DGKB: variants seen among roughly 807,000 people sequenced by gnomAD.
DGKB encodes the protein 90 kDa diacylglycerol kinase.
In DGKB, 67 loss-of-function variants were observed where a neutral mutation model predicts 114.3. The observed-to-expected ratio is 0.59, with a 90% CI of 0.48 to 0.72. DGKB has a LOEUF of 0.72. Ranked by LOEUF, DGKB falls within the 30% of genes least tolerant of loss-of-function variation. The pLI, the probability that DGKB is intolerant of heterozygous loss-of-function variation, is 0.00. For missense variants in DGKB, 907 were observed against 975.2 expected, an observed-to-expected ratio of 0.93 and a Z score of 0.93; for synonymous variants, 398 against 323.1, an observed-to-expected ratio of 1.23 and a Z score of -2.49.
At chr7:14,793,019 A>C (rs1051045472) in intron 2 of DGKB, among the ~76,000 whole-genome samples, 80 of 152,296 alleles carry the variant, frequency 5.3e-4, no homozygotes, top group African/African-American at 1.7e-3. Flanking sequence ...CAGACAAAAA[A>C]AGTCGTCTGA....
chr7:14,960,455 T>G (rs1251734084), intron 1 of DGKB, among the ~76,000 whole-genome samples: 1 of 152,032 alleles, frequency 6.6e-6, no homozygotes, highest in African/African-American at 2.4e-5. Context: ...TTTTTACTGT[T>G]TTACAAGATG....
At chr7:14,699,018 A>C (rs545080849) in intron 7 of DGKB, among the ~76,000 whole-genome samples, 1 of 152,194 alleles carries the variant, frequency 6.6e-6, no homozygotes, top group South Asian at 2.1e-4. Context: ...CTAATCTAAT[A>C]TATGTAGTCG....
intron 23 of DGKB, among the ~76,000 whole-genome samples, chr7:14,186,520 G>C (rs1783464853): frequency 6.6e-6 from 1 of 152,120 alleles, no homozygotes; most frequent in Non-Finnish European, 1.5e-5. Context: ...TCTACTGGGT[G>C]TCTACACAAA....
chr7:14,253,442 T>G (rs1795531633), intron 23 of DGKB, among the ~76,000 whole-genome samples: 1 of 152,140 alleles, frequency 6.6e-6, no homozygotes, highest in Admixed American at 6.5e-5. Flanking sequence ...CCTCTACATC[T>G]CCAGCTGTCT....
rs551337757 is a variant in DGKB, at chr7:14,822,880, T to C, written c.70+18314A>G. ...TCTGATTATGACAATCTATTTCTAC[T>C]TACCTTGTTCTTTCATCTCAGAAAT... On this transcript the variant is annotated intron_variant, in intron 2 of 25. Transcript: ENST00000402815. Among the ~76,000 whole-genome samples, 545 of 152,252 alleles carry C rather than the reference T, an allele frequency of 3.6e-3. 3 individuals are homozygous for C. The highest frequency in any genetic ancestry group is 0.013 in the African/African-American group (530 of 41,578).
chr7:14,226,972 A>C (rs1790901034), intron 23 of DGKB, among the ~76,000 whole-genome samples: 1 of 152,084 alleles, frequency 6.6e-6, no homozygotes, highest in Non-Finnish European at 1.5e-5. Flanking sequence ...TTCTGGGCTC[A>C]AGCGATCTTC....
chr7:14,233,649 C>T (rs1333300791), intron 23 of DGKB, among the ~76,000 whole-genome samples: 1 of 152,028 alleles, frequency 6.6e-6, no homozygotes, highest in Non-Finnish European at 1.5e-5. Flanking sequence ...TCATTATCAT[C>T]TGAGAATATG....
chr7:14,189,575 G>A (rs1438792176), intron 23 of DGKB, among the ~76,000 whole-genome samples: 1 of 152,040 alleles, frequency 6.6e-6, no homozygotes, highest in African/African-American at 2.4e-5. Context: ...AACCTTGAAT[G>A]TAAATGGATT....
At chr7:14,760,774 C>T (rs772645165) in intron 2 of DGKB, among the ~76,000 whole-genome samples, 1 of 152,012 alleles carries the variant, frequency 6.6e-6, no homozygotes, top group Non-Finnish European at 1.5e-5. Flanking sequence ...GCTTAGATGG[C>T]CTTTTCGTTT....
chr7:14,283,721 C>G (rs1017716643), intron 23 of DGKB, among the ~76,000 whole-genome samples: 62 of 152,254 alleles, frequency 4.1e-4, no homozygotes, highest in African/African-American at 1.4e-3. Context: ...ATATCTACAA[C>G]TATCTGATGT....
At chr7:14,440,869 T>A (rs754622078) in intron 21 of DGKB, among the ~76,000 whole-genome samples, 1 of 152,128 alleles carries the variant, frequency 6.6e-6, no homozygotes, top group Non-Finnish European at 1.5e-5. Context: ...TGCTACCTGA[T>A]TCATGCCAAC....
At chr7:14,508,738 A>C (rs1787505525) in intron 20 of DGKB, among the ~76,000 whole-genome samples, 1 of 152,152 alleles carries the variant, frequency 6.6e-6, no homozygotes, top group Admixed American at 6.5e-5. Flanking sequence ...TTTGAAAATT[A>C]ATTTGTGGTA....
chr7:14,338,835 A>C (rs1811130625), intron 22 of DGKB, 125 bp from the exon 23 acceptor site: 1 of 577,062 alleles, frequency 1.7e-6, no homozygotes, highest in African/African-American at 1.9e-5. Flanking sequence ...TTTCCAAACA[A>C]GCCTTTCAAG....
At chr7:14,771,385 C>T (rs1410541743) in intron 2 of DGKB, among the ~76,000 whole-genome samples, 5 of 151,988 alleles carry the variant, frequency 3.3e-5, no homozygotes, top group East Asian at 3.9e-4. Context: ...CGTTATTGGG[C>T]GGCAAGAATA....
chr7:14,808,482 G>C (rs769291383), intron 2 of DGKB, among the ~76,000 whole-genome samples: 16 of 151,876 alleles, frequency 1.1e-4, no homozygotes, highest in Non-Finnish European at 2.4e-4. Flanking sequence ...AATAAGATAA[G>C]ATTAACTAGA....
chr7:14,852,487 C>CAAAAAAAAAAAAACAACAAAA lies in DGKB; in HGVS notation c.-187-11038_-187-11037insTTTTGTTGTTTTTTTTTTTTT. ...GAGGAATAGCTAAAATAGTGAAAGT[C>CAAAAAAAAAAAAACAACAAAA]AAAAAAAAAACAGAAATCAAGCATA... On this transcript the variant is annotated intron_variant, in intron 1 of 25. Transcript: ENST00000402815. 1.3e-4 allele frequency among the ~76,000 whole-genome samples: 8 copies of CAAAAAAAAAAAAACAACAAAA among 63,618 alleles called. 1 individual carries two copies. Among genetic ancestry groups the CAAAAAAAAAAAAACAACAAAA allele is most frequent in the South Asian group, 5.8e-4 (1 of 1,712 alleles). The allele number at this position is 63,618 out of a possible 152,430, so 41.7% of individuals were successfully genotyped here.
chr7:14,646,924 G>A (rs1231054733), intron 13 of DGKB, among the ~76,000 whole-genome samples: 1 of 151,060 alleles, frequency 6.6e-6, no homozygotes. Context: ...AACTAGAAAA[G>A]CAAGAACAAA....
At chr7:14,200,864 G>A (rs1785762627) in intron 23 of DGKB, among the ~76,000 whole-genome samples, 1 of 152,012 alleles carries the variant, frequency 6.6e-6, no homozygotes, top group African/African-American at 2.4e-5. Context: ...AGCCTAAAAA[G>A]TTGTGAGAAA....
intron 23 of DGKB, among the ~76,000 whole-genome samples, chr7:14,330,126 T>A (rs1177717473): frequency 6.6e-6 from 1 of 152,034 alleles, no homozygotes; most frequent in African/African-American, 2.4e-5. Flanking sequence ...GGTTTTAGAA[T>A]AGCATGTAGA....
Sources: allele counts gnomAD v4.1 joint callset (sites outside exome capture counted in the v4.1 genomes callset), GRCh38; gene constraint gnomAD v4.1.1; transcripts MANE v1.5; gene names NCBI Gene and HGNC (gene_info 2026-07-23, HGNC 2026-07-21).